MGRN1: variants seen among roughly 807,000 people sequenced by gnomAD.
The protein encoded by MGRN1 is E3 ubiquitin-protein ligase MGRN1.
MGRN1 carries 29 observed loss-of-function variants against 69.2 expected under a neutral mutation model. The observed-to-expected ratio is 0.42, with a 90% confidence interval of 0.31 to 0.57. The LOEUF (loss-of-function observed/expected upper bound fraction) is 0.57, where lower values mean the gene tolerates loss of function less well. Ranked by LOEUF, MGRN1 falls within the 20% of genes least tolerant of loss-of-function variation. MGRN1 has a pLI of 0.15. For missense variants in MGRN1, 998 were observed against 796.2 expected (o/e 1.25, Z -3.05); for synonymous variants, 470 against 344.2 (o/e 1.37, Z -4.04).
chr16:4,690,725 A>G lies in MGRN1; in HGVS notation c.*1817A>G, dbSNP rs941986134. ...AGCATCTCCCACGCACCTCTACCCC[A>G]CCCCAAGCACCTCTCTCCCCCCATG... On this transcript the variant is annotated 3_prime_UTR_variant, in exon 17 of 17. Coordinates refer to ENST00000262370, the MANE Select transcript of MGRN1 (RefSeq NM_015246.4). 1 of 139,294 alleles carries G rather than the reference A, an allele frequency of 7.2e-6. No homozygotes were observed. The highest frequency in any genetic ancestry group is 2.7e-5 in the African/African-American group (1 of 36,718). 8.6% of individuals were successfully genotyped at this position (139,294 alleles called of 1,614,324 possible).
chr16:4,687,528 A>G (rs79880497), intron 16 of MGRN1: 14 of 973,308 alleles, frequency 1.4e-5, no homozygotes, highest in African/African-American at 2.0e-5. Flanking sequence ...AAATACACAC[A>G]CACCCACCCA....
intron 5 of MGRN1, among the ~76,000 whole-genome samples, chr16:4,660,334 G>C (rs551209627): frequency 3.3e-5 from 5 of 152,354 alleles, no homozygotes; most frequent in African/African-American, 1.2e-4. Flanking sequence ...CATGCAAAGG[G>C]CTTTACCTGG....
intron 10 of MGRN1, among the ~76,000 whole-genome samples, chr16:4,675,733 C>CA (rs551578710): frequency 0.039 from 3,446 of 88,336 alleles, 46 homozygotes; most frequent in African/African-American, 0.072. Context: ...GACCCTGTTT[C>CA]AAAAAAAAAA....
chr16:4,630,521 G>C (rs1897945931), intron 1 of MGRN1, among the ~76,000 whole-genome samples: 1 of 151,460 alleles, frequency 6.6e-6, no homozygotes, highest in African/African-American at 2.4e-5. Flanking sequence ...CATGATCTTA[G>C]CTCACTGCAG....
intron 7 of MGRN1, among the ~76,000 whole-genome samples, chr16:4,666,636 C>G (rs529008426): frequency 9.8e-5 from 15 of 152,318 alleles, no homozygotes; most frequent in African/African-American, 3.6e-4. Flanking sequence ...TTTTTCCTAC[C>G]AGGCTCAGTG....
intron 4 of MGRN1, among the ~76,000 whole-genome samples, chr16:4,655,102 C>G (rs924294702): frequency 1.3e-5 from 2 of 152,200 alleles, no homozygotes; most frequent in Non-Finnish European, 2.9e-5. Flanking sequence ...GAGTGTTTGA[C>G]ACCCACGGGG....
chr16:4,632,801 G>A (rs1463767887), intron 1 of MGRN1, among the ~76,000 whole-genome samples: 14 of 152,126 alleles, frequency 9.2e-5, no homozygotes, highest in Non-Finnish European at 2.9e-5. Context: ...AGTCACTCAC[G>A]GCCAGGCGTG....
chr16:4,630,042 C>T (rs1287583104), intron 1 of MGRN1, among the ~76,000 whole-genome samples: 7 of 134,002 alleles, frequency 5.2e-5, no homozygotes, highest in South Asian at 2.4e-4. Flanking sequence ...CAGTGAGACA[C>T]CATCTCAAAA....
chr16:4,626,297 G>T (rs1897675785), intron 1 of MGRN1, among the ~76,000 whole-genome samples: 1 of 152,232 alleles, frequency 6.6e-6, no homozygotes, highest in South Asian at 2.1e-4. Flanking sequence ...CCAGCAGCGG[G>T]TCAGCCTGGC....
chr16:4,635,325 G>C (rs961697020), intron 1 of MGRN1, among the ~76,000 whole-genome samples: 55 of 152,266 alleles, frequency 3.6e-4, no homozygotes, highest in African/African-American at 1.3e-3. Flanking sequence ...GCTGAGGTGG[G>C]AGAATCTCTT....
At chr16:4,653,307 T>C (rs536755390) in intron 4 of MGRN1, among the ~76,000 whole-genome samples, 26 of 152,074 alleles carry the variant, frequency 1.7e-4, no homozygotes, top group Non-Finnish European at 2.9e-4. Flanking sequence ...GGGGAAGGGG[T>C]GGGGCGCACC....
At chr16:4,668,351 A>C (rs974063852) in intron 8 of MGRN1, 39 bp downstream of exon 8, 2 of 1,605,124 alleles carry the variant, frequency 1.2e-6, no homozygotes, top group African/African-American at 1.3e-5. Context: ...TTGAATTAAA[A>C]GACACACATA....
Position 4,681,540 on chromosome 16 carries a change from G to C in MGRN1, c.1132-10G>C. On this transcript the variant is annotated splice_polypyrimidine_tract_variant and intron_variant, in intron 12 of 16. Coordinates refer to ENST00000262370, the MANE Select transcript of MGRN1 (RefSeq NM_015246.4). ...GGGCATGAGCCCCCTCACGCACCCT[G>C]TCCCTACAGAACTCTGACAGCGTCC... The C allele has an allele frequency of 6.2e-7, 1 of 1,608,858 alleles. No individual in the cohort carries two copies. Among genetic ancestry groups the C allele is most frequent in the Non-Finnish European group, 8.5e-7 (1 of 1,176,814 alleles).
At chr16:4,632,920 A>G (rs1388775698) in intron 1 of MGRN1, among the ~76,000 whole-genome samples, 1 of 152,054 alleles carries the variant, frequency 6.6e-6, no homozygotes, top group Non-Finnish European at 1.5e-5. Context: ...TTGTCTCTAC[A>G]AAAAATAAAA....
chr16:4,684,626 C>G (rs2079266791), intron 16 of MGRN1, among the ~76,000 whole-genome samples: 2 of 152,266 alleles, frequency 1.3e-5, no homozygotes, highest in Admixed American at 1.3e-4. Flanking sequence ...TTCCCGGAGG[C>G]TCGGGCCCCA....
chr16:4,654,388 C>G (rs1050896938), intron 4 of MGRN1, among the ~76,000 whole-genome samples: 1 of 152,192 alleles, frequency 6.6e-6, no homozygotes. Context: ...TTTGTACTTT[C>G]AGAGGTTTTA....
intron 1 of MGRN1, among the ~76,000 whole-genome samples, chr16:4,637,094 G>A (rs1205973065): frequency 7.1e-6 from 1 of 140,650 alleles, no homozygotes; most frequent in Non-Finnish European, 1.5e-5. Flanking sequence ...ACGCCAGCCC[G>A]GGCGACAGAG....
rs1014333312 is a variant in MGRN1, at chr16:4,689,006, C to T, written c.*98C>T. 1.4e-4 allele frequency: 194 copies of T among 1,417,312 alleles called. No individual in the cohort carries two copies. Among genetic ancestry groups the T allele is most frequent in the Non-Finnish European group, 1.7e-4 (184 of 1,076,732 alleles). The allele number at this position is 1,417,312 out of a possible 1,614,324, so 87.8% of individuals were successfully genotyped here. On this transcript the variant is annotated 3_prime_UTR_variant, in exon 17 of 17. Coordinates refer to ENST00000262370, the MANE Select transcript of MGRN1 (RefSeq NM_015246.4). ...TGTGAGCCGGCCTCCTGTCTGCATG[C>T]CCCCTGTGGCCACCAGGCTCCGAGG...
intron 4 of MGRN1, among the ~76,000 whole-genome samples, chr16:4,655,822 C>T (rs561401445): frequency 2.0e-5 from 3 of 152,262 alleles, no homozygotes; most frequent in Admixed American, 6.5e-5. Flanking sequence ...CCCTCCCTGC[C>T]TCCTGACAAG....
Sources: gnomAD v4.1 joint callset for allele counts (sites outside exome capture counted in the v4.1 genomes callset) on GRCh38, gnomAD v4.1.1 for gene constraint, MANE v1.5 for transcripts, NCBI Gene and HGNC (gene_info 2026-07-23, HGNC 2026-07-21) for gene names.